WDR11: variants seen among roughly 807,000 people sequenced by gnomAD.
WDR11 encodes the protein WD repeat-containing protein 11.
WDR11 carries 83 observed loss-of-function variants against 151.2 expected under a neutral mutation model. The observed-to-expected ratio is 0.55, with a 90% CI of 0.46 to 0.66. The LOEUF (loss-of-function observed/expected upper bound fraction) is 0.66. Ranked by LOEUF, WDR11 falls within the 30% of genes least tolerant of loss-of-function variation. The probability of loss-of-function intolerance (pLI) is 0.00; values close to 1 mark genes in which losing one functional copy is unlikely to be tolerated. For missense variants in WDR11, 1,301 were observed against 1,480.9 expected, an observed-to-expected ratio of 0.88 and a Z score of 1.99; for synonymous variants, 484 against 533.1, an observed-to-expected ratio of 0.91 and a Z score of 1.27.
chr10:120,880,204 C>T (rs2133773966), intron 12 of WDR11: 1 of 152,256 alleles, frequency 6.6e-6, no homozygotes, highest in South Asian at 2.1e-4. Context: ...TAAAACTTAA[C>T]ATTGTTTTTT....
intron 19 of WDR11, among the ~76,000 whole-genome samples, chr10:120,899,149 T>C (rs1847718660): frequency 6.6e-6 from 1 of 152,114 alleles, no homozygotes; most frequent in African/African-American, 2.4e-5. Flanking sequence ...ACTAGGCAAA[T>C]CTTGCTTGTT....
chr10:120,898,842 CT>C (rs11310298), intron 19 of WDR11, among the ~76,000 whole-genome samples: 56,426 of 151,834 alleles, frequency 0.37, 10,545 homozygotes, highest in Admixed American at 0.44. Context: ...ATTACCCTGT[CT>C]CAGGTAGTTC....
At chr10:120,901,236 G>A (rs1847802653) in intron 21 of WDR11, 138 bp downstream of exon 21, 2 of 778,518 alleles carry the variant, frequency 2.6e-6, no homozygotes, top group African/African-American at 1.7e-5. Flanking sequence ...TCTGTTTAGA[G>A]GTTTGCTTCC....
At chr10:120,895,504 G>A (rs1349405731) in intron 19 of WDR11, among the ~76,000 whole-genome samples, 1 of 150,978 alleles carries the variant, frequency 6.6e-6, no homozygotes, top group Non-Finnish European at 1.5e-5. Flanking sequence ...ATGACTAAGT[G>A]GAAATTAAAA....
At position 120,889,840 on chromosome 10, in the gene WDR11, T is replaced by G. The variant is rs577727900; in HGVS notation, c.2229-55T>G. The G allele has an allele frequency of 3.3e-6, 4 of 1,198,348 alleles. No homozygotes were observed. The Admixed American group carries it at 7.0e-5, about 21-fold the overall frequency. The allele number at this position is 1,198,348 out of a possible 1,614,324, so 74.2% of individuals were successfully genotyped here. Reference sequence around the variant, plus strand: ...AGTGAGAGATGTTAGACATAGCTTCTGGTGACCAGATCTCACTCTACATTG... The same window carrying G: ...AGTGAGAGATGTTAGACATAGCTTCGGGTGACCAGATCTCACTCTACATTG... On this transcript the variant is annotated intron_variant, in intron 17 of 28. Coordinates refer to ENST00000263461, the MANE Select transcript of WDR11 (RefSeq NM_018117.12).
At chr10:120,903,493 G>C (rs1847911681) in intron 23 of WDR11, among the ~76,000 whole-genome samples, 1 of 146,342 alleles carries the variant, frequency 6.8e-6, no homozygotes, top group Non-Finnish European at 1.5e-5. Flanking sequence ...CTGGGCAACA[G>C]AGCAAGACTC....
At chr10:120,878,212 GTT>G in intron 11 of WDR11, 139 bp from the exon 12 acceptor site, 1 of 650,820 alleles carries the variant, frequency 1.5e-6, no homozygotes, top group Admixed American at 2.6e-5. Flanking sequence ...AAAAGGTCAT[GTT>G]AAGATAAAAG....
rs985313125 is a variant in WDR11, at chr10:120,860,237, A to G, written c.481A>G (p.Ile161Val). The G allele has an allele frequency of 6.2e-7, 1 of 1,614,072 alleles. No individual in the cohort carries two copies. Among genetic ancestry groups the G allele is most frequent in the Admixed American group, 1.7e-5 (1 of 60,002 alleles). Residue 161 changes from isoleucine (I) to valine (V), a missense_variant, in exon 4 of 29, where the codon ATT (isoleucine) becomes GTT (valine). Physicochemically the swap from Ile to Val is conservative, Grantham distance 29. Coordinates refer to ENST00000263461, the MANE Select transcript of WDR11 (RefSeq NM_018117.12). ...ATGGAAGAAGAGCTATGCAGATAAC[A>G]TTCTTTCTTTTTCTTTTGACCCTTT... is the stretch of plus-strand genomic sequence containing the variant. ...KLWKKSYADN[I>V]LSFSFDPFDP...
chr10:120,875,978 C>CTTTTTTTTTT (rs67775105), intron 11 of WDR11, among the ~76,000 whole-genome samples: 23 of 122,824 alleles, frequency 1.9e-4, no homozygotes, highest in African/African-American at 6.2e-4. Context: ...CCTTTTTTTT[C>CTTTTTTTTTT]TTTTTTTTTT....
At chr10:120,861,520 C>T (rs1036631281) in intron 4 of WDR11, among the ~76,000 whole-genome samples, 1 of 152,178 alleles carries the variant, frequency 6.6e-6, no homozygotes, top group Non-Finnish European at 1.5e-5. Context: ...AGGATGAGTT[C>T]TGGAACCTGA....
intron 26 of WDR11, chr10:120,905,673 G>GT (rs1848010048): frequency 1.0e-6 from 1 of 964,266 alleles, no homozygotes; most frequent in Admixed American, 2.2e-5. Flanking sequence ...CGAAACTACA[G>GT]TCCAGAGGTA....
At chr10:120,879,082 G>A (rs1846905805) in intron 12 of WDR11, 1 of 152,046 alleles carries the variant, frequency 6.6e-6, no homozygotes, top group South Asian at 2.1e-4. Context: ...GTTTCAAAGA[G>A]GTTTTTTTAA....
At chr10:120,906,063 A>T in intron 27 of WDR11, 42 bp downstream of exon 27, 2 of 1,612,482 alleles carry the variant, frequency 1.2e-6, no homozygotes, top group Non-Finnish European at 1.7e-6. Context: ...CCTGCCCGTG[A>T]GCAGTCACTT....
At chr10:120,872,988 C>A (rs1400304923) in intron 10 of WDR11, among the ~76,000 whole-genome samples, 3 of 152,142 alleles carry the variant, frequency 2.0e-5, no homozygotes, top group African/African-American at 7.2e-5. Context: ...ATAGACTGTT[C>A]ACTTTTCTTG....
rs776694836 is a variant in WDR11 at position 120,889,139 on chromosome 10, T to C, written c.2183T>C (p.Met728Thr). ...GGTGATACATTAGTGCTTGGAGATATGGATGGAAATTTAAATTTCTGGGAC... is the reference window on the plus strand; with the variant it reads ...GGTGATACATTAGTGCTTGGAGATACGGATGGAAATTTAAATTTCTGGGAC... ...WKGDTLVLGD[M>T]DGNLNFWDLK... Residue 728 changes from methionine (M) to threonine (T), a missense_variant, in exon 17 of 29, where the codon ATG (methionine) becomes ACG (threonine). Physicochemically the swap from Met to Thr is moderately conservative, Grantham distance 81 (BLOSUM62 -1). This residue lies in a region of WDR11 where 589 missense variants were observed against 670.6 expected (regional missense o/e 0.88). Coordinates refer to ENST00000263461, the MANE Select transcript of WDR11 (RefSeq NM_018117.12). 2 of 1,614,050 alleles carry C rather than the reference T, an allele frequency of 1.2e-6. No individual in the cohort carries two copies. The highest frequency in any genetic ancestry group is 2.2e-5 in the East Asian group (1 of 44,860).
intron 11 of WDR11, among the ~76,000 whole-genome samples, chr10:120,875,165 G>A (rs942538438): frequency 1.3e-5 from 2 of 152,132 alleles, no homozygotes; most frequent in East Asian, 1.9e-4. Context: ...TTATGGCTGC[G>A]TATTTTTCAT....
intron 2 of WDR11, 150 bp downstream of exon 2, chr10:120,852,785 T>G: frequency 1.5e-6 from 1 of 674,632 alleles, no homozygotes; most frequent in Non-Finnish European, 2.6e-6. Context: ...TTTTCATATA[T>G]ATGACTTAAT....
intron 2 of WDR11, among the ~76,000 whole-genome samples, chr10:120,856,925 G>C (rs1471480935): frequency 6.6e-6 from 1 of 152,094 alleles, no homozygotes; most frequent in Non-Finnish European, 1.5e-5. Flanking sequence ...TAGGGGTTAG[G>C]TTCTTGTGAG....
At chr10:120,879,140 C>T (rs2133772294) in intron 12 of WDR11, 1 of 152,212 alleles carries the variant, frequency 6.6e-6, no homozygotes, top group South Asian at 2.1e-4. Context: ...CAACACGAAT[C>T]ATATGTAGAT....
Sources: allele counts gnomAD v4.1 joint callset (sites outside exome capture counted in the v4.1 genomes callset), GRCh38; gene constraint gnomAD v4.1.1; regional missense constraint gnomAD v4.1.1; transcripts MANE v1.5; gene names NCBI Gene and HGNC (gene_info 2026-07-23, HGNC 2026-07-21).